TEKTL1: variants seen among roughly 807,000 people sequenced by gnomAD.
TEKTL1 encodes the protein tektin like 1.
the TEKTL1 span, among the ~76,000 whole-genome samples, chr19:15,022,182 T>C: frequency 1.1e-4 from 17 of 152,286 alleles, no homozygotes; most frequent in Non-Finnish European, 2.4e-4. Context: ...GCTCTGGCCT[T>C]AGTCTCTCTA....
At chr19:15,018,732 A>ATATATATATATATATATATATATT in the TEKTL1 span, among the ~76,000 whole-genome samples, 259 of 78,592 alleles carry the variant, frequency 3.3e-3, 45 homozygotes, top group Middle Eastern at 7.0e-3. Context: ...ATATATATAT[A>ATATATATATATATATATATATATT]ACTTCCCTGG....
chr19:15,023,097 GCAAGAGCAGCGCGGAC>G, the TEKTL1 span: 1 of 1,607,308 alleles, frequency 6.2e-7, no homozygotes, highest in Non-Finnish European at 8.5e-7. Flanking sequence ...CCGCCGCGCA[GCAAGAGCAGCGCGGAC>G]CCCTAGTGAC....
At chr19:15,020,540 T>C in the TEKTL1 span, 2 of 1,614,090 alleles carry the variant, frequency 1.2e-6, no homozygotes, top group Non-Finnish European at 1.7e-6. Flanking sequence ...AACCAGCCTC[T>C]GGACAAGGTT....
the TEKTL1 span, among the ~76,000 whole-genome samples, chr19:15,018,719 T>TATATATATA: frequency 9.1e-6 from 1 of 109,724 alleles, no homozygotes; most frequent in Non-Finnish European, 2.0e-5. Flanking sequence ...TCTCAAAATA[T>TATATATATA]GTATATATAT....
the TEKTL1 span, chr19:15,013,757 A>C: frequency 6.2e-7 from 1 of 1,612,874 alleles, no homozygotes. Flanking sequence ...GATATGGAAA[A>C]ATCAGAGGTC....
chr19:15,013,530 C>A, the TEKTL1 span: 1 of 616,974 alleles, frequency 1.6e-6, no homozygotes. Context: ...TGAGACACCC[C>A]ACCCAAAGGA....
the TEKTL1 span, chr19:15,023,176 G>A: frequency 2.0e-6 from 3 of 1,482,262 alleles, no homozygotes; most frequent in Admixed American, 2.3e-5. Context: ...GGACCTCGGA[G>A]AGCAGACACA....
At chr19:15,018,552 T>TA in the TEKTL1 span, among the ~76,000 whole-genome samples, 86 of 146,946 alleles carry the variant, frequency 5.9e-4, no homozygotes, top group African/African-American at 1.7e-3. Flanking sequence ...CTACAAAAAT[T>TA]AAAAAAAAAT....
chr19:15,012,092 CAA>C, the TEKTL1 span, among the ~76,000 whole-genome samples: 1 of 137,336 alleles, frequency 7.3e-6, no homozygotes, highest in African/African-American at 2.7e-5. Context: ...CCCGTCTCTA[CAA>C]AAAAAAAAAA....
At chr19:15,018,425 C>G in the TEKTL1 span, among the ~76,000 whole-genome samples, 244 of 151,924 alleles carry the variant, frequency 1.6e-3, no homozygotes, top group African/African-American at 5.2e-3. Context: ...AGACATTTCT[C>G]TAGCTGGGCA....
chr19:15,020,811 T>C, the TEKTL1 span: 241 of 665,968 alleles, frequency 3.6e-4, 1 homozygote, highest in East Asian at 5.9e-3. Flanking sequence ...GCACACATTG[T>C]CACTCAGCTT....
the TEKTL1 span, among the ~76,000 whole-genome samples, chr19:15,012,107 T>A: frequency 2.1e-3 from 305 of 143,810 alleles, 1 homozygote; most frequent in African/African-American, 7.4e-3. Context: ...AAAAAAAAAT[T>A]TTTAGTGGCC....
the TEKTL1 span, among the ~76,000 whole-genome samples, chr19:15,016,132 G>A: frequency 6.6e-6 from 1 of 151,646 alleles, no homozygotes; most frequent in Non-Finnish European, 1.5e-5. Context: ...GACGAGGTAG[G>A]AGACTCAGGG....
the TEKTL1 span, chr19:15,010,992 C>A: frequency 1.9e-6 from 3 of 1,591,644 alleles, no homozygotes; most frequent in Admixed American, 3.5e-5. Context: ...GTGCTGGACC[C>A]GAACGTGGCC....
the TEKTL1 span, chr19:15,023,075 C>CCGCG: frequency 6.2e-7 from 1 of 1,609,176 alleles, no homozygotes; most frequent in Non-Finnish European, 8.5e-7. Flanking sequence ...GGACTGGGAC[C>CCGCG]CGCGCACGCC....
At chr19:15,020,592 A>G in the TEKTL1 span, 8 of 1,613,880 alleles carry the variant, frequency 5.0e-6, no homozygotes, top group Admixed American at 1.0e-4. Context: ...ACCTCTCCCG[A>G]GCCCCCACTC....
the TEKTL1 span, among the ~76,000 whole-genome samples, chr19:15,014,503 T>C: frequency 4.1e-4 from 62 of 152,130 alleles, no homozygotes; most frequent in African/African-American, 1.4e-3. Flanking sequence ...TATTGTGAGA[T>C]TGAAGTCTTT....
chr19:15,018,232 T>C, the TEKTL1 span, among the ~76,000 whole-genome samples: 1 of 152,098 alleles, frequency 6.6e-6, no homozygotes, highest in Non-Finnish European at 1.5e-5. Context: ...CACATGCCTG[T>C]AATCCTAGCT....
At chr19:15,018,375 A>G in the TEKTL1 span, among the ~76,000 whole-genome samples, 1 of 152,064 alleles carries the variant, frequency 6.6e-6, no homozygotes, top group Non-Finnish European at 1.5e-5. Flanking sequence ...GCACAGTACC[A>G]TAAACAGAAG....
Sources: allele counts gnomAD v4.1 joint callset (sites outside exome capture counted in the v4.1 genomes callset), GRCh38; gene constraint gnomAD v4.1.1; transcripts MANE v1.5; gene names NCBI Gene and HGNC (gene_info 2026-07-23, HGNC 2026-07-21).